NWD2: variants seen among roughly 807,000 people sequenced by gnomAD.
NWD2 encodes NACHT and WD repeat domain-containing protein 2.
In NWD2, 37 loss-of-function variants were observed where a neutral mutation model predicts 132.7. The observed-to-expected ratio is 0.28, with a 90% CI of 0.21 to 0.37. The LOEUF (loss-of-function observed/expected upper bound fraction) is 0.37, where lower values mean the gene tolerates loss of function less well. NWD2 is among the 10% of genes least tolerant of loss of function. NWD2 has a pLI of 1.00. For missense variants in NWD2, 1,592 were observed against 2,122.4 expected (o/e 0.75, Z 4.91); for synonymous variants, 705 against 803.0 (o/e 0.88, Z 2.06).
chr4:37,348,651 T>TATATA (rs1363631920), intron 2 of NWD2, among the ~76,000 whole-genome samples: 3 of 48,930 alleles, frequency 6.1e-5, no homozygotes, highest in African/African-American at 1.9e-4. Flanking sequence ...TATATATATA[T>TATATA]ATATATATAT....
At chr4:37,346,409 A>G (rs184890016) in intron 2 of NWD2, among the ~76,000 whole-genome samples, 47 of 152,244 alleles carry the variant, frequency 3.1e-4, no homozygotes, top group Non-Finnish European at 5.7e-4. Flanking sequence ...TGTCTTAATT[A>G]TTGTGGTTTT....
Position 37,443,707 on chromosome 4 carries a change from C to T in NWD2, c.1719C>T (p.Asp573=). 6.4e-7 allele frequency: 1 copy of T among 1,552,084 alleles called. No homozygotes were observed. Among genetic ancestry groups the T allele is most frequent in the Non-Finnish European group, 8.7e-7 (1 of 1,147,106 alleles). ...ACTACATCGAGCTGATTCCCCGAGACAGGAAGATGTGCAGCCAGGTCCTCA... is the reference window on the plus strand; with the variant it reads ...ACTACATCGAGCTGATTCCCCGAGATAGGAAGATGTGCAGCCAGGTCCTCA... The part of the protein sequence containing the change: ...EDNYIELIPR[D]RKMCSQVLKH... The change falls in exon 7 of 7, where the codon GAC becomes GAT. Residue 573 remains aspartate (D), a synonymous_variant. Transcript: ENST00000309447. The surrounding 1 kb of genome is among the most constrained non-coding windows in gnomAD (Gnocchi z 4.1).
At chr4:37,289,085 T>C (rs1328128837) in intron 1 of NWD2, among the ~76,000 whole-genome samples, 1 of 152,226 alleles carries the variant, frequency 6.6e-6, no homozygotes, top group African/African-American at 2.4e-5. Flanking sequence ...TGTTTTAGTT[T>C]TGTCTCAGTT....
At chr4:37,291,969 A>G (rs1014362944) in intron 1 of NWD2, among the ~76,000 whole-genome samples, 2 of 152,206 alleles carry the variant, frequency 1.3e-5, no homozygotes, top group Non-Finnish European at 1.5e-5. Flanking sequence ...GCTGACTCAG[A>G]TATGGAAGCT....
chr4:37,431,513 C>T (rs754618196), intron 4 of NWD2, among the ~76,000 whole-genome samples: 1 of 152,084 alleles, frequency 6.6e-6, no homozygotes, highest in Non-Finnish European at 1.5e-5. Context: ...TTACAAAGGT[C>T]TGGGATTTAG....
At chr4:37,373,879 T>G (rs986808691) in intron 3 of NWD2, among the ~76,000 whole-genome samples, 1 of 152,236 alleles carries the variant, frequency 6.6e-6, no homozygotes. Context: ...GTAATGTATC[T>G]GAAAATGGTT....
intron 3 of NWD2, among the ~76,000 whole-genome samples, chr4:37,424,929 A>G (rs929380839): frequency 2.0e-5 from 3 of 152,198 alleles, no homozygotes; most frequent in African/African-American, 7.2e-5. Flanking sequence ...CTAACTGCAC[A>G]TGAAGAGCAG....
At chr4:37,308,523 C>T (rs1250769323) in intron 1 of NWD2, among the ~76,000 whole-genome samples, 3 of 152,142 alleles carry the variant, frequency 2.0e-5, no homozygotes, top group Non-Finnish European at 4.4e-5. Context: ...CCATTAGTGG[C>T]AGGAGCAGAC....
intron 3 of NWD2, among the ~76,000 whole-genome samples, chr4:37,380,975 G>A (rs1720441608): frequency 6.6e-6 from 1 of 152,192 alleles, no homozygotes; most frequent in Admixed American, 6.5e-5. Context: ...CAGGAATCAG[G>A]TAGATGGAGA....
intron 3 of NWD2, among the ~76,000 whole-genome samples, chr4:37,386,556 C>CCTGTGCTCTGAG (rs1317029343): frequency 1.3e-5 from 2 of 152,148 alleles, no homozygotes; most frequent in Admixed American, 6.5e-5. Flanking sequence ...CCAGCTCTGA[C>CCTGTGCTCTGAG]CTGTGCTCTG....
At chr4:37,435,277 G>A (rs577595799) in intron 5 of NWD2, among the ~76,000 whole-genome samples, 2 of 152,250 alleles carry the variant, frequency 1.3e-5, no homozygotes, top group Non-Finnish European at 2.9e-5. Flanking sequence ...GAAATGGTGC[G>A]GCAAAGCATT....
chr4:37,428,676 G>GTCCC (rs1560253490), intron 3 of NWD2, among the ~76,000 whole-genome samples: 1 of 152,110 alleles, frequency 6.6e-6, no homozygotes, highest in East Asian at 1.9e-4. Context: ...AACTACTGGC[G>GTCCC]TAAGCAGACA....
chr4:37,371,296 G>A (rs560515564), intron 3 of NWD2, among the ~76,000 whole-genome samples: 7 of 151,872 alleles, frequency 4.6e-5, no homozygotes, highest in South Asian at 2.1e-4. Context: ...GGCTGGTCTC[G>A]AACTCCTGAC....
At chr4:37,298,249 C>T (rs1036520901) in intron 1 of NWD2, among the ~76,000 whole-genome samples, 3 of 152,140 alleles carry the variant, frequency 2.0e-5, no homozygotes, top group African/African-American at 4.8e-5. Context: ...AGCAATCACT[C>T]GTGCCATGAG....
intron 1 of NWD2, among the ~76,000 whole-genome samples, chr4:37,285,489 C>A (rs567585062): frequency 6.6e-6 from 1 of 151,934 alleles, no homozygotes; most frequent in Non-Finnish European, 1.5e-5. Flanking sequence ...GACAATAGGG[C>A]AGTCCTCGTT....
At chr4:37,323,600 A>C (rs1719112351) in intron 1 of NWD2, among the ~76,000 whole-genome samples, 1 of 152,180 alleles carries the variant, frequency 6.6e-6, no homozygotes, top group South Asian at 2.1e-4. Context: ...TGGAATTGTA[A>C]ATTAGCTCAG....
In NWD2 at chr4:37,253,539, A is replaced by C. The variant is rs184583261; in HGVS notation, c.151+8321A>C. Among the ~76,000 whole-genome samples the C allele has an allele frequency of 2.0e-3, 301 of 152,314 alleles. 1 individual carries two copies. The highest frequency in any genetic ancestry group is 6.7e-3 in the African/African-American group (278 of 41,556). On this transcript the variant is annotated intron_variant, in intron 1 of 6. Coordinates refer to ENST00000309447, the MANE Select transcript of NWD2 (RefSeq NM_001144990.2). ...TTTGCTTTCCAGTTCTGGGAAGGTTAAATGAGGTAAAGGGAGTCCAGGAGG... is the reference window on the plus strand; with the variant it reads ...TTTGCTTTCCAGTTCTGGGAAGGTTCAATGAGGTAAAGGGAGTCCAGGAGG...
intron 1 of NWD2, among the ~76,000 whole-genome samples, chr4:37,313,862 C>T (rs1440246734): frequency 1.3e-5 from 2 of 150,880 alleles, no homozygotes; most frequent in East Asian, 3.8e-4. Flanking sequence ...ACACGCCCTC[C>T]TAATTGTTGT....
intron 2 of NWD2, among the ~76,000 whole-genome samples, chr4:37,327,183 A>G (rs992212027): frequency 6.6e-6 from 1 of 152,196 alleles, no homozygotes; most frequent in Admixed American, 6.5e-5. Context: ...CTCAGTTACC[A>G]TAGAGGAAGA....
Sources: allele counts gnomAD v4.1 joint callset (sites outside exome capture counted in the v4.1 genomes callset), GRCh38; gene constraint gnomAD v4.1.1; non-coding constraint Gnocchi (gnomAD v3.1); transcripts MANE v1.5; gene names NCBI Gene and HGNC (gene_info 2026-07-23, HGNC 2026-07-21).